LHCGR: variants seen among roughly 807,000 people sequenced by gnomAD.
LHCGR encodes lutropin-choriogonadotropic hormone receptor.
A neutral mutation model predicts 60.7 loss-of-function variants in LHCGR; 55 were observed. That is an observed-to-expected ratio of 0.91 (90% confidence interval 0.73 to 1.13). LHCGR has a LOEUF of 1.13. Ranked by LOEUF, LHCGR falls within the 50% of genes most tolerant of loss-of-function variation. LHCGR has a pLI of 0.00. For missense variants in LHCGR, 862 were observed against 836.0 expected (o/e 1.03, Z -0.38); for synonymous variants, 337 against 316.5 (o/e 1.06, Z -0.69).
chr2:48,725,305 C>G (rs1470518204), intron 4 of LHCGR, among the ~76,000 whole-genome samples: 1 of 152,084 alleles, frequency 6.6e-6, no homozygotes, highest in Non-Finnish European at 1.5e-5. Flanking sequence ...GAGAGTCAGA[C>G]CAGAATTGCC....
At chr2:48,690,474 T>C (rs746937737) in intron 10 of LHCGR, among the ~76,000 whole-genome samples, 3 of 152,240 alleles carry the variant, frequency 2.0e-5, no homozygotes, top group Non-Finnish European at 4.4e-5. Context: ...TTCATACATG[T>C]AGAATGTTTA....
intron 8 of LHCGR, among the ~76,000 whole-genome samples, chr2:48,699,228 A>G (rs1351249964): frequency 6.6e-6 from 1 of 151,974 alleles, no homozygotes; most frequent in East Asian, 1.9e-4. Flanking sequence ...TTAATTCTCC[A>G]TTTCAATTAC....
intron 1 of LHCGR, among the ~76,000 whole-genome samples, chr2:48,733,523 C>G (rs1050435418): frequency 6.6e-6 from 1 of 152,114 alleles, no homozygotes; most frequent in Non-Finnish European, 1.5e-5. Flanking sequence ...TGCTGCAGAG[C>G]AGGAAAGGCA....
intron 10 of LHCGR, among the ~76,000 whole-genome samples, chr2:48,693,290 T>C (rs1039198730): frequency 7.9e-5 from 12 of 152,202 alleles, no homozygotes; most frequent in African/African-American, 2.7e-4. Flanking sequence ...TTCATTCTCA[T>C]GGTTCTGAAA....
chr2:48,740,354 C>A (rs1426278005), intron 1 of LHCGR, among the ~76,000 whole-genome samples: 1 of 152,268 alleles, frequency 6.6e-6, no homozygotes, highest in African/African-American at 2.4e-5. Context: ...CTCAAGAAGG[C>A]CTGCCTGCCT....
chr2:48,731,343 G>A, intron 1 of LHCGR, 45 bp from the exon 2 acceptor site: 1 of 1,387,122 alleles, frequency 7.2e-7, no homozygotes, highest in Non-Finnish European at 1.0e-6. Flanking sequence ...ATTTATGATA[G>A]GGTGCCTTTT....
chr2:48,717,693 G>A (rs1418879116), intron 6 of LHCGR, among the ~76,000 whole-genome samples: 1 of 151,952 alleles, frequency 6.6e-6, no homozygotes, highest in Non-Finnish European at 1.5e-5. Flanking sequence ...AATGAAGTAG[G>A]GGGTCTTTCT....
chr2:48,704,723 A>G (rs1572836680), intron 8 of LHCGR, among the ~76,000 whole-genome samples: 1 of 152,262 alleles, frequency 6.6e-6, no homozygotes. Flanking sequence ...TTTCTGTGGG[A>G]TCAGTGGTAA....
intron 2 of LHCGR, among the ~76,000 whole-genome samples, chr2:48,730,467 G>T (rs1184920612): frequency 1.3e-5 from 2 of 152,188 alleles, no homozygotes; most frequent in South Asian, 4.1e-4. Flanking sequence ...GGCAATAGAG[G>T]TTCCCAAAGG....
chr2:48,725,170 G>A (rs1208511972), intron 4 of LHCGR, among the ~76,000 whole-genome samples: 1 of 152,144 alleles, frequency 6.6e-6, no homozygotes, highest in Non-Finnish European at 1.5e-5. Context: ...TTAATGGGAA[G>A]TGGAAAATAA....
intron 8 of LHCGR, among the ~76,000 whole-genome samples, chr2:48,699,649 A>C (rs17037563): frequency 0.12 from 17,635 of 152,298 alleles, 1,161 homozygotes; most frequent in African/African-American, 0.17. Flanking sequence ...CCTAGGAAGC[A>C]GAATGCATGT....
intron 6 of LHCGR, among the ~76,000 whole-genome samples, chr2:48,714,340 G>A (rs1342196511): frequency 6.6e-6 from 1 of 152,158 alleles, no homozygotes; most frequent in Non-Finnish European, 1.5e-5. Flanking sequence ...TAATGTCAAA[G>A]GAAAACAGTG....
intron 6 of LHCGR, among the ~76,000 whole-genome samples, chr2:48,714,509 G>A (rs1163882187): frequency 3.3e-5 from 5 of 150,102 alleles, no homozygotes; most frequent in Admixed American, 6.6e-5. Flanking sequence ...TCTTGGATGA[G>A]TATGTGGTTT....
At chr2:48,718,969 T>A (rs753755773) in intron 6 of LHCGR, among the ~76,000 whole-genome samples, 2 of 152,248 alleles carry the variant, frequency 1.3e-5, no homozygotes, top group African/African-American at 2.4e-5. Context: ...TGTCAACTTA[T>A]ATGTCTTTAC....
chr2:48,686,855 A>G lies in LHCGR; in HGVS notation c.*842T>C, dbSNP rs1250097377. On this transcript the variant is annotated 3_prime_UTR_variant, in exon 11 of 11. Transcript: ENST00000294954. Reference sequence around the variant, plus strand: ...AAAAATTGTTTTCATTATATGTTTCATAACTTCAGAGTAATTCTAACTCAG... The same window carrying G: ...AAAAATTGTTTTCATTATATGTTTCGTAACTTCAGAGTAATTCTAACTCAG... 1.3e-5 allele frequency: 2 copies of G among 152,218 alleles called. No individual in the cohort carries two copies. The highest frequency in any genetic ancestry group is 2.9e-5 in the Non-Finnish European group (2 of 68,030). The allele number at this position is 152,218 out of a possible 1,614,324, so 9.4% of individuals were successfully genotyped here.
intron 6 of LHCGR, among the ~76,000 whole-genome samples, chr2:48,716,105 T>A (rs1668238794): frequency 6.6e-6 from 1 of 151,682 alleles, no homozygotes; most frequent in Non-Finnish European, 1.5e-5. Flanking sequence ...TTTTCATCCC[T>A]TTCTATATTG....
intron 1 of LHCGR, 49 bp from the exon 2 acceptor site, chr2:48,731,347 G>A (rs1348633620): frequency 2.2e-6 from 3 of 1,337,734 alleles, no homozygotes; most frequent in South Asian, 1.2e-5. Flanking sequence ...ATGATAGGGT[G>A]CCTTTTAAGT....
intron 1 of LHCGR, among the ~76,000 whole-genome samples, chr2:48,742,843 A>G (rs1669524752): frequency 1.3e-5 from 2 of 152,106 alleles, no homozygotes; most frequent in Admixed American, 6.5e-5. Context: ...AACTAAAATC[A>G]GAGCAGAACT....
At chr2:48,751,468 A>G (rs546215154) in intron 1 of LHCGR, among the ~76,000 whole-genome samples, 20 of 152,308 alleles carry the variant, frequency 1.3e-4, no homozygotes, top group Admixed American at 1.2e-3. Flanking sequence ...CACTTGGCCC[A>G]TGAAGCCTTC....
Sources: gnomAD v4.1 joint callset for allele counts (sites outside exome capture counted in the v4.1 genomes callset) on GRCh38, gnomAD v4.1.1 for gene constraint, MANE v1.5 for transcripts, NCBI Gene and HGNC (gene_info 2026-07-23, HGNC 2026-07-21) for gene names.